ITPR2: variants seen among roughly 807,000 people sequenced by gnomAD.
ITPR2 encodes inositol 1,4,5-trisphosphate-gated calcium channel ITPR2.
Under a neutral mutation model 317.1 loss-of-function variants are expected in ITPR2, and 207 were observed. The observed-to-expected ratio is 0.65, with a 90% CI of 0.58 to 0.73. The LOEUF is 0.73. Ranked by LOEUF, ITPR2 falls within the 30% of genes least tolerant of loss-of-function variation. The pLI, the probability that ITPR2 is intolerant of heterozygous loss-of-function variation, is 0.00. For missense variants in ITPR2, 2,613 were observed against 3,284.0 expected (o/e 0.80, Z 4.99); for synonymous variants, 1,156 against 1,149.1 (o/e 1.01, Z -0.12).
intron 37 of ITPR2, among the ~76,000 whole-genome samples, chr12:26,520,047 G>A (rs753558209): frequency 2.0e-5 from 3 of 152,180 alleles, no homozygotes; most frequent in Non-Finnish European, 4.4e-5. Context: ...GGGCAATGAA[G>A]GTGGGAAAGA....
In ITPR2 at chr12:26,461,637, T is replaced by C. The variant is rs1045248620; in HGVS notation, c.6342+13659A>G. The stretch of plus-strand genomic sequence containing the variant: ...AAAGAAAAGCATATAAATATATATA[T>C]ATATATATATATATATATATATATA... On this transcript the variant is annotated intron_variant, in intron 45 of 56. Transcript: ENST00000381340. Among the ~76,000 whole-genome samples, 23 of 17,744 alleles carry C rather than the reference T, an allele frequency of 1.3e-3. 1 individual carries two copies. Among genetic ancestry groups the C allele is most frequent in the South Asian group, 7.5e-3 (2 of 268 alleles). The allele number at this position is 17,744 out of a possible 152,430, so 11.6% of individuals were successfully genotyped here. A position where few individuals can be genotyped will look rare whatever the true frequency, so the allele number is the denominator to read the frequency against.
chr12:26,440,911 G>GTTTT (rs1941473830), intron 46 of ITPR2, among the ~76,000 whole-genome samples: 1 of 152,144 alleles, frequency 6.6e-6, no homozygotes, highest in Non-Finnish European at 1.5e-5. Context: ...GGAAATGGAG[G>GTTTT]TGTGTTAACC....
chr12:26,336,064 C>T lies in ITPR2; in HGVS notation c.*3333G>A, dbSNP rs542563884. ...TCCATCAACTATTACATCATGATGCCTGTGCAATATTTACTTGCTTACGTC... is the reference window on the plus strand; with the variant it reads ...TCCATCAACTATTACATCATGATGCTTGTGCAATATTTACTTGCTTACGTC... On this transcript the variant is annotated 3_prime_UTR_variant, in exon 57 of 57. Transcript: ENST00000381340. Among the ~76,000 whole-genome samples, 1 of 152,290 alleles carries T rather than the reference C, an allele frequency of 6.6e-6. No individual in the cohort carries two copies. The highest frequency in any genetic ancestry group is 1.9e-4 in the East Asian group (1 of 5,188).
chr12:26,417,929 T>C (rs1940772885), intron 50 of ITPR2, among the ~76,000 whole-genome samples: 2 of 152,208 alleles, frequency 1.3e-5, no homozygotes, highest in Non-Finnish European at 2.9e-5. Flanking sequence ...CTGGGTATAA[T>C]AGGACTTTAT....
intron 55 of ITPR2, among the ~76,000 whole-genome samples, chr12:26,367,031 C>T (rs752974796): frequency 6.6e-6 from 1 of 152,150 alleles, no homozygotes; most frequent in Non-Finnish European, 1.5e-5. Context: ...CTATGTAATA[C>T]CTGAATATAA....
chr12:26,474,911 C>T (rs944799867), intron 45 of ITPR2, among the ~76,000 whole-genome samples: 1 of 151,332 alleles, frequency 6.6e-6, no homozygotes, highest in Non-Finnish European at 1.5e-5. Context: ...AGGCCAGAAA[C>T]TACCTGCCGA....
rs932203994 is a variant in ITPR2, at chr12:26,396,104, G to A, written c.7696+2772C>T. ...AGAAAGAATCATCCTTGGAAAGCCT[G>A]AAGGATCTGCTGAGAAGAAAAGAAA... is the stretch of plus-strand genomic sequence containing the variant. On this transcript the variant is annotated intron_variant, in intron 54 of 56. Coordinates refer to ENST00000381340, the MANE Select transcript of ITPR2 (RefSeq NM_002223.4). 2.6e-5 allele frequency among the ~76,000 whole-genome samples: 4 copies of A among 152,254 alleles called. No homozygotes were observed. The South Asian group carries it at 8.3e-4, about 32-fold the overall frequency.
chr12:26,811,681 T>A (rs758680387), intron 1 of ITPR2, among the ~76,000 whole-genome samples: 21 of 107,224 alleles, frequency 2.0e-4, no homozygotes, highest in Non-Finnish European at 3.7e-4. Flanking sequence ...CGAGACTCTG[T>A]CTCAAAAAAA....
chr12:26,715,675 C>A (rs1948728198), intron 7 of ITPR2, 77 bp downstream of exon 7: 2 of 961,266 alleles, frequency 2.1e-6, no homozygotes, highest in East Asian at 4.8e-5. Flanking sequence ...CCAGTGAATA[C>A]ATAGGTTTTG....
chr12:26,470,328 A>G (rs1364650168), intron 45 of ITPR2, among the ~76,000 whole-genome samples: 2 of 152,364 alleles, frequency 1.3e-5, no homozygotes, highest in Middle Eastern at 3.4e-3. Flanking sequence ...ATTACACACC[A>G]GAAGAAAATC....
chr12:26,405,134 CAAA>C (rs35153198), intron 52 of ITPR2, among the ~76,000 whole-genome samples: 2 of 134,142 alleles, frequency 1.5e-5, no homozygotes, highest in Non-Finnish European at 3.3e-5. Flanking sequence ...AACTCTGTCT[CAAA>C]AAAAAAAAAA....
In ITPR2 at chr12:26,640,333, C is replaced by T. The variant is rs116910173; in HGVS notation, c.2741-8274G>A. ...GCACATGTTTACCTATGTAACAAAC[C>T]GCTACGTCCTAAACATTTATCCCAG... is the stretch of plus-strand genomic sequence containing the variant. On this transcript the variant is annotated intron_variant, in intron 21 of 56. Coordinates refer to ENST00000381340, the MANE Select transcript of ITPR2 (RefSeq NM_002223.4). 3.8e-4 allele frequency among the ~76,000 whole-genome samples: 58 copies of T among 151,722 alleles called. No homozygotes were observed. The East Asian group carries it at 7.9e-3, about 21-fold the overall frequency.
At chr12:26,638,700 G>T (rs1241441637) in intron 21 of ITPR2, among the ~76,000 whole-genome samples, 1 of 152,184 alleles carries the variant, frequency 6.6e-6, no homozygotes, top group Middle Eastern at 3.2e-3. Flanking sequence ...CTTGGGTGAA[G>T]TCAGAGATAG....
intron 35 of ITPR2, among the ~76,000 whole-genome samples, chr12:26,558,033 C>A (rs928638778): frequency 6.6e-6 from 1 of 152,092 alleles, no homozygotes; most frequent in Non-Finnish European, 1.5e-5. Flanking sequence ...TGTTTTAATT[C>A]TTTCTCTTTC....
At chr12:26,538,838 G>C (rs1482311185) in intron 37 of ITPR2, among the ~76,000 whole-genome samples, 1 of 152,164 alleles carries the variant, frequency 6.6e-6, no homozygotes, top group African/African-American at 2.4e-5. Flanking sequence ...ACCTCCCAAA[G>C]TGCTAGGATT....
Position 26,475,283 on chromosome 12 carries a change from T to C in ITPR2, c.6342+13A>G, listed in dbSNP as rs777409894. On this transcript the variant is annotated intron_variant, in intron 45 of 56. Coordinates refer to ENST00000381340, the MANE Select transcript of ITPR2 (RefSeq NM_002223.4). Reference sequence around the variant, plus strand: ...GGATGAGCAAAATAATGTAAAGATATAAAATGTGACACCTGATGGGCCAGA... The same window carrying C: ...GGATGAGCAAAATAATGTAAAGATACAAAATGTGACACCTGATGGGCCAGA... 12 of 1,613,306 alleles carry C rather than the reference T, an allele frequency of 7.4e-6. No homozygotes were observed. The highest frequency in any genetic ancestry group is 1.3e-5 in the African/African-American group (1 of 74,952).
intron 54 of ITPR2, among the ~76,000 whole-genome samples, chr12:26,389,186 A>G (rs1043554265): frequency 1.3e-5 from 2 of 152,126 alleles, no homozygotes; most frequent in African/African-American, 2.4e-5. Context: ...AGCCAGAGCA[A>G]TCCTTTAAAA....
chr12:26,355,992 A>C (rs989481871), intron 55 of ITPR2, among the ~76,000 whole-genome samples: 2 of 152,258 alleles, frequency 1.3e-5, no homozygotes, highest in African/African-American at 4.8e-5. Flanking sequence ...CAAACAGGGC[A>C]TCATGTGGCA....
chr12:26,457,422 GGA>G (rs1184760830), intron 45 of ITPR2, among the ~76,000 whole-genome samples: 1 of 152,130 alleles, frequency 6.6e-6, no homozygotes, highest in Admixed American at 6.6e-5. Context: ...GAAGCCAACA[GGA>G]GAGTTGACTT....
Sources: gnomAD v4.1 joint callset for allele counts (sites outside exome capture counted in the v4.1 genomes callset) on GRCh38, gnomAD v4.1.1 for gene constraint, MANE v1.5 for transcripts, NCBI Gene and HGNC (gene_info 2026-07-23, HGNC 2026-07-21) for gene names.